The following EMCN variants were observed in gnomAD, a reference collection of about 807,000 sequenced individuals.
EMCN encodes MUC-14.
Under a neutral mutation model 38.4 loss-of-function variants are expected in EMCN, and 37 were observed. The ratio of observed to expected loss-of-function variants is 0.96; its 90% CI spans 0.74 to 1.27. The LOEUF is 1.27. Ranked by LOEUF, EMCN falls within the 50% of genes most tolerant of loss-of-function variation. EMCN has a pLI of 0.00. For synonymous variants in EMCN, 95 were observed against 100.8 expected (o/e 0.94, Z 0.35); for missense variants, 318 against 302.8 (o/e 1.05, Z -0.37).
At chr4:100,456,236 A>G (rs1250965411) in intron 4 of EMCN, among the ~76,000 whole-genome samples, 1 of 151,758 alleles carries the variant, frequency 6.6e-6, no homozygotes, top group East Asian at 1.9e-4. Context: ...CAACTTATCT[A>G]GTTTCTATTG....
chr4:100,448,455 G>T (rs993033884), intron 4 of EMCN, among the ~76,000 whole-genome samples: 1 of 151,988 alleles, frequency 6.6e-6, no homozygotes, highest in Non-Finnish European at 1.5e-5. Flanking sequence ...GGTTCAATAC[G>T]TGGTGCCATT....
chr4:100,500,249 TATC>T (rs1388233259), intron 1 of EMCN, among the ~76,000 whole-genome samples: 1 of 152,188 alleles, frequency 6.6e-6, no homozygotes, highest in Non-Finnish European at 1.5e-5. Flanking sequence ...TGAAGGATCT[TATC>T]ATCTTTCCCC....
chr4:100,438,660 T>C (rs1221221672), intron 5 of EMCN, among the ~76,000 whole-genome samples: 1 of 152,048 alleles, frequency 6.6e-6, no homozygotes, highest in Non-Finnish European at 1.5e-5. Context: ...TACCTAGTAC[T>C]GGATCTGAGT....
chr4:100,511,855 A>T (rs2110311656), intron 1 of EMCN, among the ~76,000 whole-genome samples: 1 of 151,694 alleles, frequency 6.6e-6, no homozygotes, highest in African/African-American at 2.4e-5. Context: ...AAATAGGAAG[A>T]GGAGAAAAGG....
intron 1 of EMCN, among the ~76,000 whole-genome samples, chr4:100,490,924 G>A (rs540819837): frequency 1.9e-4 from 29 of 152,200 alleles, no homozygotes; most frequent in African/African-American, 7.0e-4. Context: ...TAACGACATT[G>A]AGCATTTTTT....
intron 1 of EMCN, among the ~76,000 whole-genome samples, chr4:100,505,505 C>T (rs79815813): frequency 0.21 from 31,856 of 151,962 alleles, 3,507 homozygotes; most frequent in Middle Eastern, 0.31. Context: ...AGGAAGCTCT[C>T]GGTTAACAAG....
chr4:100,478,919 A>G (rs181768388), intron 2 of EMCN, among the ~76,000 whole-genome samples: 7 of 152,212 alleles, frequency 4.6e-5, no homozygotes, highest in Admixed American at 1.3e-4. Flanking sequence ...ACTTGCTTCA[A>G]AGAAGGATGC....
At chr4:100,454,025 G>T in intron 4 of EMCN, among the ~76,000 whole-genome samples, 1 of 137,822 alleles carries the variant, frequency 7.3e-6, no homozygotes, top group Non-Finnish European at 1.6e-5. Flanking sequence ...GACTGTTGTG[G>T]GGTGGGGGGA....
chr4:100,466,953 G>A (rs1279538231), intron 3 of EMCN, among the ~76,000 whole-genome samples: 1 of 151,964 alleles, frequency 6.6e-6, no homozygotes, highest in African/African-American at 2.4e-5. Context: ...GAGTTCCCTA[G>A]TATCAAGCAG....
chr4:100,432,234 T>G (rs1218390760), intron 5 of EMCN, among the ~76,000 whole-genome samples: 1 of 152,116 alleles, frequency 6.6e-6, no homozygotes, highest in Admixed American at 6.6e-5. Flanking sequence ...GGGTCAATTC[T>G]TTCATGAACC....
chr4:100,500,185 T>C (rs1381496673), intron 1 of EMCN, among the ~76,000 whole-genome samples: 1 of 152,150 alleles, frequency 6.6e-6, no homozygotes, highest in Non-Finnish European at 1.5e-5. Context: ...TTTCTTAAGA[T>C]TTTTGAATTA....
intron 1 of EMCN, among the ~76,000 whole-genome samples, chr4:100,494,160 T>G (rs1055423128): frequency 3.3e-5 from 5 of 152,212 alleles, no homozygotes; most frequent in Non-Finnish European, 7.4e-5. Flanking sequence ...GATTGTCTGA[T>G]TTTTGATTTT....
intron 1 of EMCN, among the ~76,000 whole-genome samples, chr4:100,502,311 A>G (rs1024018104): frequency 1.3e-5 from 2 of 152,192 alleles, no homozygotes. Flanking sequence ...TGTTGAATAT[A>G]CCTGGCTTCC....
chr4:100,469,140 A>T (rs896250082), intron 3 of EMCN, among the ~76,000 whole-genome samples: 1 of 152,142 alleles, frequency 6.6e-6, no homozygotes, highest in Non-Finnish European at 1.5e-5. Flanking sequence ...AAGAAAGGAT[A>T]GTCTCTTCAA....
intron 1 of EMCN, among the ~76,000 whole-genome samples, chr4:100,491,657 C>A (rs578053108): frequency 3.3e-5 from 5 of 152,268 alleles, no homozygotes; most frequent in African/African-American, 1.2e-4. Context: ...ACCACTTGAC[C>A]AAGGAATAGA....
rs149421513 is a variant in EMCN at position 100,450,489 on chromosome 4, T to G, written c.377-2918A>C. Reference sequence around the variant, plus strand: ...CAGACTTACACCTAGAACATGATAATATCATTAACAGGTACAAGAGAAAAA... The same window carrying G: ...CAGACTTACACCTAGAACATGATAAGATCATTAACAGGTACAAGAGAAAAA... On this transcript the variant is annotated intron_variant, in intron 4 of 11. Transcript: ENST00000296420. Among the ~76,000 whole-genome samples the G allele has an allele frequency of 6.3e-3, 962 of 152,096 alleles. 27 individuals carry two copies. Among genetic ancestry groups the G allele is most frequent in the Middle Eastern group, 0.01 (3 of 294 alleles).
intron 5 of EMCN, among the ~76,000 whole-genome samples, chr4:100,425,738 A>G (rs1203779247): frequency 2.0e-5 from 3 of 152,010 alleles, no homozygotes; most frequent in Non-Finnish European, 2.9e-5. Context: ...CTCCCAACCA[A>G]GGTCAGTTTG....
intron 4 of EMCN, among the ~76,000 whole-genome samples, chr4:100,454,114 G>A (rs183529618): frequency 2.3e-4 from 35 of 151,718 alleles, no homozygotes; most frequent in African/African-American, 6.5e-4. Flanking sequence ...CATGGCACAT[G>A]TATAGATATG....
At position 100,395,564 on chromosome 4, in the gene EMCN, T is replaced by C. The variant is rs762795978; in HGVS notation, c.*2849A>G. 9 of 152,180 alleles carry C rather than the reference T, an allele frequency of 5.9e-5. No homozygotes were observed. Among genetic ancestry groups the C allele is most frequent in the Non-Finnish European group, 8.8e-5 (6 of 68,028 alleles). 9.4% of individuals were successfully genotyped at this position (152,180 alleles called of 1,614,324 possible). A position where few individuals can be genotyped will look rare whatever the true frequency, so the allele number is the denominator to read the frequency against. The stretch of plus-strand genomic sequence containing the variant: ...GAGACTATCATCACCCAAAATACAA[T>C]TTTTAAAGGTCATATTCACTTTTCC... On this transcript the variant is annotated 3_prime_UTR_variant, in exon 12 of 12. Coordinates refer to ENST00000296420, the MANE Select transcript of EMCN (RefSeq NM_016242.4).
Sources: allele counts gnomAD v4.1 joint callset (sites outside exome capture counted in the v4.1 genomes callset), GRCh38; gene constraint gnomAD v4.1.1; transcripts MANE v1.5; gene names NCBI Gene and HGNC (gene_info 2026-07-23, HGNC 2026-07-21).